Variants in DNAH7 observed in about 807,000 individuals in gnomAD.
The protein encoded by DNAH7 is dynein axonemal heavy chain 7.
Under a neutral mutation model 444.6 loss-of-function variants are expected in DNAH7, and 397 were observed. That is an observed-to-expected ratio of 0.89 (90% CI 0.82 to 0.97). The LOEUF (loss-of-function observed/expected upper bound fraction) is 0.97, where lower values mean the gene tolerates loss of function less well. Ranked by LOEUF, DNAH7 falls within the 50% of genes least tolerant of loss-of-function variation. The probability of loss-of-function intolerance (pLI) is 0.00; values close to 1 mark genes in which losing one functional copy is unlikely to be tolerated. For missense variants in DNAH7, 4,902 were observed against 4,800.8 expected (o/e 1.02, Z -0.62); for synonymous variants, 1,636 against 1,624.4 (o/e 1.01, Z -0.17).
rs564180941 is a variant in DNAH7, at chr2:195,821,908, A to G, written c.9291+2347T>C. On this transcript the variant is annotated intron_variant, in intron 49 of 64. Coordinates refer to ENST00000312428, the MANE Select transcript of DNAH7 (RefSeq NM_018897.3). The stretch of plus-strand genomic sequence containing the variant: ...TAAGAAAATGTCCTGCCTGTGGCCA[A>G]TAAGTGTAAAACAGCTTCTTGCAAA... Among the ~76,000 whole-genome samples, 77 of 152,288 alleles carry G rather than the reference A, an allele frequency of 5.1e-4. 1 individual carries two copies. Among genetic ancestry groups the G allele is most frequent in the African/African-American group, 1.4e-3 (57 of 41,566 alleles).
In DNAH7 at chr2:195,888,950, C is replaced by T. The variant is rs1335587892; in HGVS notation, c.5078G>A (p.Gly1693Asp). ...CTCAATCCACACTGCATCTACTGGG[C>T]CATCAAAAATTAACCATTTCCTATC... ...TPDRKWLIFD[G>D]PVDAVWIENM... The change falls in exon 32 of 65, where the codon GGC (glycine) becomes GAC (aspartate). Residue 1693 changes from glycine (G) to aspartate (D), a missense_variant. Gly to Asp is a moderately conservative substitution (Grantham distance 94). Coordinates refer to ENST00000312428, the MANE Select transcript of DNAH7 (RefSeq NM_018897.3). 1 of 1,612,804 alleles carries T rather than the reference C, an allele frequency of 6.2e-7. No individual in the cohort carries two copies. Among genetic ancestry groups the T allele is most frequent in the Non-Finnish European group, 8.5e-7 (1 of 1,179,692 alleles).
rs146283587 is a variant in DNAH7 at position 195,929,179 on chromosome 2, A to T, written c.3472-2613T>A. Among the ~76,000 whole-genome samples the T allele has an allele frequency of 1.5e-3, 227 of 152,302 alleles. 1 individual carries two copies. The highest frequency in any genetic ancestry group is 5.0e-3 in the African/African-American group (208 of 41,570). On this transcript the variant is annotated intron_variant, in intron 21 of 64. Coordinates refer to ENST00000312428, the MANE Select transcript of DNAH7 (RefSeq NM_018897.3). Reference sequence around the variant, plus strand: ...ATTCATCTAACCAAAGAGGTAAAAGATCTCTACAAGGAGAACTACAAAACA... The same window carrying T: ...ATTCATCTAACCAAAGAGGTAAAAGTTCTCTACAAGGAGAACTACAAAACA...
chr2:195,957,499 T>C, intron 18 of DNAH7, 52 bp from the exon 19 acceptor site: 1 of 1,410,904 alleles, frequency 7.1e-7, no homozygotes, highest in East Asian at 2.4e-5. Flanking sequence ...AGCAAATGTT[T>C]CAAATGACAA....
chr2:195,794,443 C>A lies in DNAH7; in HGVS notation c.10611G>T (p.Val3537=), dbSNP rs552149191. 3 of 1,614,142 alleles carry A rather than the reference C, an allele frequency of 1.9e-6. No individual in the cohort carries two copies. The African/African-American group carries it at 4.0e-5, about 22-fold the overall frequency. The change falls in exon 57 of 65, where the codon GTG becomes GTT. Residue 3537 remains valine, a synonymous_variant. Coordinates refer to ENST00000312428, the MANE Select transcript of DNAH7 (RefSeq NM_018897.3). ...NFPVSVLQNG[V]KMTNEAPKGL... is the part of the protein sequence containing the mutation. ...CTTTTGGTGCTTCATTGGTCATTTT[C>A]ACTCCATTCTGCAGTACTGACACAG...
Position 195,934,690 on chromosome 2 carries a change from A to C in DNAH7, c.3372T>G (p.Val1124=), listed in dbSNP as rs1688931661. 1 of 1,614,010 alleles carries C rather than the reference A, an allele frequency of 6.2e-7. No individual in the cohort carries two copies. The highest frequency in any genetic ancestry group is 8.5e-7 in the Non-Finnish European group (1 of 1,179,988). The change falls in exon 21 of 65, where the codon GTT becomes GTG. Residue 1124 remains valine (V), a synonymous_variant. Coordinates refer to ENST00000312428, the MANE Select transcript of DNAH7 (RefSeq NM_018897.3). ...ITHMKSSEGE[V]VELIEIISTA... is the part of the protein sequence containing the mutation. Reference sequence around the variant, plus strand: ...TTGAAATAATCTCTATGAGTTCTACAACCTCTCCTTCGCTGCTCTTCATGT... The same window carrying C: ...TTGAAATAATCTCTATGAGTTCTACCACCTCTCCTTCGCTGCTCTTCATGT...
Position 195,872,370 on chromosome 2 carries a change from T to C in DNAH7, c.6513A>G (p.Pro2171=), listed in dbSNP as rs898428024. 1.2e-6 allele frequency: 2 copies of C among 1,613,862 alleles called. No individual in the cohort carries two copies. The highest frequency in any genetic ancestry group is 1.7e-6 in the Non-Finnish European group (2 of 1,179,886). The change falls in exon 40 of 65, where the codon CCA becomes CCG. Residue 2171 remains proline (P), a synonymous_variant. Coordinates refer to ENST00000312428, the MANE Select transcript of DNAH7 (RefSeq NM_018897.3). ...KEAMKNLLPT[P]AKSHYLFNLR... is the part of the protein sequence containing the mutation. ...GGTTGAACAAGTAGTGAGATTTAGC[T>C]GGAGTAGGCAAGAGATTCTTCATTG... is the stretch of plus-strand genomic sequence containing the variant.
At chr2:195,744,478 TCTGA>T in intron 63 of DNAH7, among the ~76,000 whole-genome samples, 1 of 152,206 alleles carries the variant, frequency 6.6e-6, no homozygotes. Flanking sequence ...AATGTCCCTG[TCTGA>T]CAGCTTTGAG....
chr2:195,900,524 AG>A (rs1307482516), intron 27 of DNAH7, 30 bp from the exon 28 acceptor site: 1 of 1,590,880 alleles, frequency 6.3e-7, no homozygotes, highest in Non-Finnish European at 8.6e-7. Context: ...TACTTTTAAA[AG>A]GATCATCATA....
chr2:195,820,045 C>T (rs1697385012), intron 49 of DNAH7, among the ~76,000 whole-genome samples: 1 of 152,186 alleles, frequency 6.6e-6, no homozygotes, highest in Non-Finnish European at 1.5e-5. Flanking sequence ...TTAGAGGAAT[C>T]TATTCTACCA....
At chr2:195,874,366 C>T (rs1700899141) in intron 38 of DNAH7, among the ~76,000 whole-genome samples, 1 of 152,260 alleles carries the variant, frequency 6.6e-6, no homozygotes. Context: ...AGATCATCTA[C>T]CCCAGCTCTG....
chr2:195,783,869 C>T (rs536076197), intron 58 of DNAH7, among the ~76,000 whole-genome samples: 107 of 152,186 alleles, frequency 7.0e-4, no homozygotes, highest in African/African-American at 2.4e-3. Context: ...CATGGCATAA[C>T]GTTCCAAATC....
At position 196,001,711 on chromosome 2, in the gene DNAH7, G is replaced by T; in HGVS notation, c.1137C>A (p.Ser379=). ...TLQLQDLTLV[S]MQDFTDLIAQ... is the part of the protein sequence containing the mutation. ...CAATTAAGTCCGTGAAATCTTGCAT[G>T]GAGACTAAAGTGAGGTCCTGCAGCT... The change falls in exon 11 of 65, where the codon TCC becomes TCA. Residue 379 remains serine, a synonymous_variant. Transcript: ENST00000312428. 1 of 1,591,910 alleles carries T rather than the reference G, an allele frequency of 6.3e-7. No individual in the cohort carries two copies. Among genetic ancestry groups the T allele is most frequent in the Non-Finnish European group, 8.5e-7 (1 of 1,169,786 alleles).
At chr2:195,897,855 C>T in intron 28 of DNAH7, 90 bp from the exon 29 acceptor site, 1 of 578,584 alleles carries the variant, frequency 1.7e-6, no homozygotes, top group Non-Finnish European at 3.0e-6. Context: ...AACCTACAGA[C>T]CCTGTAACTC....
chr2:195,886,131 C>T lies in DNAH7; in HGVS notation c.5538+10G>A, dbSNP rs755823654. 20 of 1,609,682 alleles carry T rather than the reference C, an allele frequency of 1.2e-5. No homozygotes were observed. In the South Asian group the frequency reaches 1.8e-4, roughly 14 times the overall value. On this transcript the variant is annotated intron_variant, in intron 34 of 64. Transcript: ENST00000312428. Reference sequence around the variant, plus strand: ...TTCTGTAGCAGGATACAGAAGGCAACGGACCTTACCTCAAGCAAAGAGTAA... The same window carrying T: ...TTCTGTAGCAGGATACAGAAGGCAATGGACCTTACCTCAAGCAAAGAGTAA...
At chr2:195,868,377 C>T (rs1169578621) in intron 40 of DNAH7, among the ~76,000 whole-genome samples, 1 of 151,896 alleles carries the variant, frequency 6.6e-6, no homozygotes, top group Non-Finnish European at 1.5e-5. Flanking sequence ...AGCCACCACG[C>T]CTGGCCTATT....
chr2:195,778,617 T>TG (rs1164236947), intron 58 of DNAH7, among the ~76,000 whole-genome samples: 1,252 of 26,734 alleles, frequency 0.047, 120 homozygotes, highest in African/African-American at 0.096. Context: ...AGACCCTGTC[T>TG]GAAAAAAAAA....
At chr2:195,749,213 C>T (rs1187845655) in intron 63 of DNAH7, among the ~76,000 whole-genome samples, 2 of 152,144 alleles carry the variant, frequency 1.3e-5, no homozygotes, top group African/African-American at 4.8e-5. Context: ...TTTATGCAGC[C>T]AAAAACCACA....
At chr2:195,957,902 T>G (rs894395412) in intron 18 of DNAH7, among the ~76,000 whole-genome samples, 70 of 152,162 alleles carry the variant, frequency 4.6e-4, no homozygotes, top group Non-Finnish European at 1.0e-4. Flanking sequence ...AAATGAGATT[T>G]TGTTGACAGT....
rs191879330 is a variant in DNAH7, at chr2:195,931,327, T to C, written c.3471+3264A>G. ...ATTGTAGATTCTGGATATTAGGCCT[T>C]TGTCAGATGAGTAGGTTGCGAAAAT... is the stretch of plus-strand genomic sequence containing the variant. On this transcript the variant is annotated intron_variant, in intron 21 of 64. Coordinates refer to ENST00000312428, the MANE Select transcript of DNAH7 (RefSeq NM_018897.3). Among the ~76,000 whole-genome samples, 719 of 152,204 alleles carry C rather than the reference T, an allele frequency of 4.7e-3. 2 individuals carry two copies. Among genetic ancestry groups the C allele is most frequent in the Non-Finnish European group, 7.8e-3 (532 of 68,010 alleles).
Sources: allele counts gnomAD v4.1 joint callset (sites outside exome capture counted in the v4.1 genomes callset), GRCh38; gene constraint gnomAD v4.1.1; transcripts MANE v1.5; gene names NCBI Gene and HGNC (gene_info 2026-07-23, HGNC 2026-07-21).